Variants in ZNF177 observed in about 807,000 individuals in gnomAD.
ZNF177 encodes the protein zinc finger protein 177.
In ZNF177, 17 loss-of-function variants were observed where a neutral mutation model predicts 19.4. The observed-to-expected ratio is 0.87, with a 90% CI of 0.60 to 1.31. The LOEUF (loss-of-function observed/expected upper bound fraction) is 1.31, where lower values mean the gene tolerates loss of function less well. Among genes scored for constraint, ZNF177 ranks in the 40% most tolerant of loss-of-function variants. The probability of loss-of-function intolerance (pLI) is 0.00; values close to 1 mark genes in which losing one functional copy is unlikely to be tolerated. For missense variants in ZNF177, 633 were observed against 561.8 expected, an observed-to-expected ratio of 1.13 and a Z score of -1.28; for synonymous variants, 220 against 188.7, an observed-to-expected ratio of 1.17 and a Z score of -1.36.
intron 5 of ZNF177, 182 bp from the exon 8 acceptor site, chr19:9,380,484 AGT>A: frequency 8.6e-7 from 1 of 1,168,980 alleles, no homozygotes; most frequent in Middle Eastern, 2.7e-4. Flanking sequence ...TGGACAGAGG[AGT>A]GAGCTTATTC....
chr19:9,379,139 G>T, intron 3 of ZNF177, 51 bp downstream of exon 5: 1 of 1,548,160 alleles, frequency 6.5e-7, no homozygotes, highest in East Asian at 2.3e-5. Context: ...TAGTTCTTAA[G>T]CACATATTAT....
intron 1 of ZNF177, among the ~76,000 whole-genome samples, chr19:9,364,507 G>A (rs1599381005): frequency 1.3e-5 from 2 of 152,152 alleles, no homozygotes; most frequent in South Asian, 4.2e-4. Flanking sequence ...TTGTCGTGTC[G>A]GTGTCATGAG....
chr19:9,376,752 A>G (rs937221653), intron 1 of ZNF177, among the ~76,000 whole-genome samples: 1 of 152,298 alleles, frequency 6.6e-6, no homozygotes, highest in South Asian at 2.1e-4. Flanking sequence ...ACAAATTATT[A>G]TAACTTTTTA....
At chr19:9,367,732 CT>C (rs1248912334) in intron 2 of ZNF177, among the ~76,000 whole-genome samples, 1 of 152,156 alleles carries the variant, frequency 6.6e-6, no homozygotes, top group Non-Finnish European at 1.5e-5. Context: ...ATAAGTTAAA[CT>C]GTTTTGTGAA....
At chr19:9,374,028 T>C (rs1271678044), upstream of ZNF177, among the ~76,000 whole-genome samples, 1 of 152,210 alleles carries the variant, frequency 6.6e-6, no homozygotes. Flanking sequence ...CTAGAAGTTT[T>C]ATGATCTCAG....
At chr19:9,380,107 C>G in exon 5 of ZNF177, 2 of 1,611,502 alleles carry the variant, frequency 1.2e-6, no homozygotes, top group East Asian at 2.2e-5. Context: ...GCAGAACATT[C>G]CTGGGGGAAA....
chr19:9,373,425 C>G (rs576452784), upstream of ZNF177, among the ~76,000 whole-genome samples: 62 of 152,288 alleles, frequency 4.1e-4, no homozygotes, highest in African/African-American at 1.5e-3. Context: ...ACAGATACCT[C>G]TTTAAGATAT....
At chr19:9,378,968 G>A (rs2068150015) in exon 3 of ZNF177, 11 of 1,606,712 alleles carry the variant, frequency 6.8e-6, no homozygotes, top group Non-Finnish European at 9.4e-6. Context: ...TTAGAACTCA[G>A]TAACCTTCCA....
intron 1 of ZNF177, among the ~76,000 whole-genome samples, chr19:9,377,504 T>C (rs1479375408): frequency 2.6e-5 from 4 of 152,100 alleles, no homozygotes; most frequent in Non-Finnish European, 5.9e-5. Context: ...TGGGACACGG[T>C]AGAAGGTGTC....
At chr19:9,381,694 A>T (rs2230752) in exon 6 of ZNF177, 915,130 of 1,613,902 alleles carry the variant, frequency 0.57, 261,944 homozygotes, top group Middle Eastern at 0.63. Context: ...TTATAAATGT[A>T]TTCAGTGTGA....
At chr19:9,370,466 T>C (rs1599385840) in intron 2 of ZNF177, among the ~76,000 whole-genome samples, 1 of 151,682 alleles carries the variant, frequency 6.6e-6, no homozygotes, top group South Asian at 2.1e-4. Context: ...CAGGCTGGAG[T>C]ACAGTGGTGT....
At chr19:9,377,678 T>C (rs898581751) in intron 1 of ZNF177, among the ~76,000 whole-genome samples, 6 of 130,426 alleles carry the variant, frequency 4.6e-5, no homozygotes, top group African/African-American at 1.6e-4. Flanking sequence ...GCTATAAGAT[T>C]TGCAGCACTA....
chr19:9,381,573 C>T (rs1387437101), exon 6 of ZNF177: 2 of 1,614,100 alleles, frequency 1.2e-6, no homozygotes, highest in Admixed American at 1.7e-5. Context: ...TTATTGTGCA[C>T]AAGAGAACTC....
intron 1 of ZNF177, among the ~76,000 whole-genome samples, chr19:9,376,715 A>G (rs1297655887): frequency 6.6e-6 from 1 of 152,256 alleles, no homozygotes. Flanking sequence ...TGATGTCACA[A>G]TTTACATCTT....
upstream of ZNF177, among the ~76,000 whole-genome samples, chr19:9,375,491 C>T (rs1041273591): frequency 1.3e-5 from 2 of 152,134 alleles, no homozygotes; most frequent in Non-Finnish European, 2.9e-5. Flanking sequence ...GATTTTTCCT[C>T]ACTGATTTAA....
chr19:9,381,806 T>G, exon 6 of ZNF177: 2 of 1,557,994 alleles, frequency 1.3e-6, no homozygotes, highest in Non-Finnish European at 1.7e-6. Flanking sequence ...TTGTTGCCCC[T>G]CATGCCTCCT....
intron 5 of ZNF177, 83 bp downstream of exon 7, chr19:9,380,222 AGGG>A: frequency 1.4e-6 from 2 of 1,453,064 alleles, no homozygotes; most frequent in Non-Finnish European, 1.8e-6. Flanking sequence ...CACCCAAAGC[AGGG>A]GTAAGAATTC....
chr19:9,379,711 C>A, intron 4 of ZNF177, 92 bp downstream of exon 6: 1 of 1,417,774 alleles, frequency 7.1e-7, no homozygotes, highest in Non-Finnish European at 9.5e-7. Context: ...AATCTGAGGC[C>A]ATGACATGAG....
chr19:9,379,197 A>G, intron 3 of ZNF177, 109 bp downstream of exon 5: 1 of 1,437,078 alleles, frequency 7.0e-7, no homozygotes, highest in Non-Finnish European at 9.2e-7. Flanking sequence ...TAACCCCAAA[A>G]TGAATGGTCC....
Sources: allele counts gnomAD v4.1 joint callset (sites outside exome capture counted in the v4.1 genomes callset), GRCh38; gene constraint gnomAD v4.1.1; transcripts MANE v1.5; gene names NCBI Gene and HGNC (gene_info 2026-07-23, HGNC 2026-07-21).